TARS3: variants seen among roughly 807,000 people sequenced by gnomAD.
TARS3 encodes threonine--tRNA ligase 2, cytoplasmic.
A neutral mutation model predicts 103.5 loss-of-function variants in TARS3; 94 were observed. That is an observed-to-expected ratio of 0.91 (90% CI 0.77 to 1.08). The LOEUF is 1.08. Among genes scored for constraint, TARS3 ranks in the 50% least tolerant of loss-of-function variants. The pLI, the probability that TARS3 is intolerant of heterozygous loss-of-function variation, is 0.00. For synonymous variants in TARS3, 416 were observed against 355.4 expected (o/e 1.17, Z -1.92); for missense variants, 952 against 995.2 (o/e 0.96, Z 0.58).
chr15:101,705,928 G>A (rs943533787), intron 6 of TARS3, among the ~76,000 whole-genome samples, 181 bp from the exon 7 acceptor site: 1 of 152,134 alleles, frequency 6.6e-6, no homozygotes, highest in Non-Finnish European at 1.5e-5. Context: ...CACAAGCCAC[G>A]TGGCTACTGG....
rs1341564191 is a variant in TARS3, at chr15:101,653,815, TTAAAATC to T, written c.*760_*766del. On this transcript the variant is annotated 3_prime_UTR_variant, in exon 19 of 19. Transcript: ENST00000335968. ...CTGAGCACGTAGAGCATTCCTCTCT[TTAAAATC>T]TGAAATCCATTTCAGTACATAAATC... 2.0e-5 allele frequency: 3 copies of T among 152,252 alleles called. No individual in the cohort carries two copies. Among genetic ancestry groups the T allele is most frequent in the Non-Finnish European group, 4.4e-5 (3 of 68,046 alleles). The allele number at this position is 152,252 out of a possible 1,614,324, so 9.4% of individuals were successfully genotyped here.
At position 101,671,740 on chromosome 15, in the gene TARS3, C is replaced by G; in HGVS notation, c.1797G>C (p.Gln599His). Residue 599 changes from glutamine (Q) to histidine (H), a missense_variant, in exon 14 of 19, where the codon CAG (glutamine) becomes CAC (histidine). By Grantham distance (24) the Gln-to-His change is conservative. Transcript: ENST00000335968. ...EMWNEAEKQL[Q>H]NSLMDFGEPW... The stretch of plus-strand genomic sequence containing the variant: ...GTTCTCCAAAGTCCATCAAGCTGTT[C>G]TGCAGTTGCTTTTTCAAAAGAAGAA... 6.2e-7 allele frequency: 1 copy of G among 1,613,070 alleles called. No individual in the cohort carries two copies. The highest frequency in any genetic ancestry group is 8.5e-7 in the Non-Finnish European group (1 of 1,179,780).
At chr15:101,678,322 T>C (rs1447372812) in intron 12 of TARS3, among the ~76,000 whole-genome samples, 3 of 152,200 alleles carry the variant, frequency 2.0e-5, no homozygotes, top group Non-Finnish European at 2.9e-5. Flanking sequence ...TTTTAATTGG[T>C]TTATTTAGAC....
intron 10 of TARS3, among the ~76,000 whole-genome samples, chr15:101,690,454 C>T (rs1299313227): frequency 6.6e-6 from 1 of 152,154 alleles, no homozygotes; most frequent in East Asian, 1.9e-4. Context: ...ATGCTAATGG[C>T]CTGCTGTTCC....
At chr15:101,695,215 A>T (rs1369687369) in intron 10 of TARS3, among the ~76,000 whole-genome samples, 1 of 152,152 alleles carries the variant, frequency 6.6e-6, no homozygotes, top group Non-Finnish European at 1.5e-5. Context: ...CACAGTCAAG[A>T]TATAGAACAT....
intron 10 of TARS3, among the ~76,000 whole-genome samples, chr15:101,691,151 G>A (rs183443820): frequency 4.6e-4 from 70 of 151,924 alleles, no homozygotes; most frequent in African/African-American, 1.6e-3. Flanking sequence ...GTATTAGCCA[G>A]GATGGTCTTG....
intron 15 of TARS3, among the ~76,000 whole-genome samples, chr15:101,666,153 A>G (rs956291789): frequency 7.2e-5 from 11 of 152,236 alleles, no homozygotes; most frequent in Admixed American, 5.2e-4. Context: ...AACAAAGGTT[A>G]ACACAAAAAT....
At chr15:101,659,467 G>C (rs941378204) in intron 16 of TARS3, among the ~76,000 whole-genome samples, 1 of 151,992 alleles carries the variant, frequency 6.6e-6, no homozygotes, top group Non-Finnish European at 1.5e-5. Context: ...TTTACTTTTG[G>C]CTCCTGGGGA....
chr15:101,665,471 ACTG>A (rs1460594384), intron 15 of TARS3, among the ~76,000 whole-genome samples: 2 of 152,218 alleles, frequency 1.3e-5, no homozygotes, highest in Non-Finnish European at 1.5e-5. Context: ...GCCTACAGAA[ACTG>A]CTACCATTTA....
At position 101,714,774 on chromosome 15, in the gene TARS3, C is replaced by T. The variant is rs1033974382; in HGVS notation, c.690+66G>A. On this transcript the variant is annotated intron_variant, in intron 4 of 18. Coordinates refer to ENST00000335968, the MANE Select transcript of TARS3 (RefSeq NM_152334.3). ...AACATTCGTGACTTCAATATGTGGC[C>T]TCTTATATAATGTAGTTTACAACAT... 6 of 1,470,900 alleles carry T rather than the reference C, an allele frequency of 4.1e-6. No individual in the cohort carries two copies. The Admixed American group carries it at 1.3e-4, about 31-fold the overall frequency. The allele number at this position is 1,470,900 out of a possible 1,614,324, so 91.1% of individuals were successfully genotyped here.
chr15:101,677,501 C>CTTT (rs36095342), intron 12 of TARS3, among the ~76,000 whole-genome samples: 8 of 143,272 alleles, frequency 5.6e-5, no homozygotes, highest in Admixed American at 1.4e-4. Flanking sequence ...AGTTCTCCAG[C>CTTT]TTTTTTTTTT....
intron 3 of TARS3, among the ~76,000 whole-genome samples, chr15:101,715,622 G>A (rs918821076): frequency 2.2e-4 from 34 of 152,160 alleles, no homozygotes; most frequent in Admixed American, 3.3e-4. Flanking sequence ...AGCAGCTGCC[G>A]ACATAATTGT....
Position 101,684,080 on chromosome 15 carries a change from C to G in TARS3, c.1645G>C (p.Glu549Gln), listed in dbSNP as rs757307878. 2 of 1,612,838 alleles carry G rather than the reference C, an allele frequency of 1.2e-6. No homozygotes were observed. The highest frequency in any genetic ancestry group is 2.2e-5 in the South Asian group (2 of 90,860). ...CACTCTGTGTTATTGTTTACCTGCT[C>G]CACTGTGCAAAAAATGTGAGCATCG... ...QDDAHIFCTVEQIEEEIKGCL... is the reference protein window; with the variant it reads ...QDDAHIFCTVQQIEEEIKGCL... Residue 549 changes from glutamate (E) to glutamine (Q), a missense_variant, in exon 12 of 19, where the codon GAG becomes CAG. Glu to Gln is a conservative substitution (Grantham distance 29, BLOSUM62 2). Transcript: ENST00000335968.
chr15:101,713,313 G>A lies in TARS3; in HGVS notation c.691-1312C>T, dbSNP rs559173945. Among the ~76,000 whole-genome samples the A allele has an allele frequency of 2.0e-5, 3 of 152,302 alleles. No homozygotes were observed. The South Asian group carries it at 6.2e-4, about 32-fold the overall frequency. ...AAAGCATAGCTTGAGAAAGGTTAGA[G>A]AGGTAAGGAAGGGCCAGAGACCATG... On this transcript the variant is annotated intron_variant, in intron 4 of 18. Coordinates refer to ENST00000335968, the MANE Select transcript of TARS3 (RefSeq NM_152334.3).
chr15:101,671,812 A>C, intron 13 of TARS3, 64 bp from the exon 14 acceptor site: 13 of 1,307,542 alleles, frequency 9.9e-6, no homozygotes, highest in African/African-American at 1.5e-5. Flanking sequence ...CATACAGCTC[A>C]CAAAAGTTAC....
intron 10 of TARS3, among the ~76,000 whole-genome samples, chr15:101,697,457 C>T (rs997688166): frequency 1.3e-5 from 2 of 152,094 alleles, no homozygotes; most frequent in Non-Finnish European, 2.9e-5. Flanking sequence ...AAAATGACAG[C>T]CGATTTTTGG....
rs1470908966 is a variant in TARS3, at chr15:101,714,883, G to C, written c.647C>G (p.Ser216Cys). The stretch of plus-strand genomic sequence containing the variant: ...ATCAAATGTAAGCAGCTCTAGAGAA[G>C]AGTCCCCTTCCAATGGGCGGTCCAG... ...WDLDRPLEGD[S>C]SLELLTFDNE... Residue 216 changes from serine to cysteine, a missense_variant, in exon 4 of 19, where the codon TCT (serine) becomes TGT (cysteine). Around this residue, in one of 2 missense-constraint regions of TARS3, gnomAD observed 412 missense variants for 364.2 expected, o/e 1.13. Coordinates refer to ENST00000335968, the MANE Select transcript of TARS3 (RefSeq NM_152334.3). The C allele has an allele frequency of 6.2e-7, 1 of 1,613,192 alleles. No homozygotes were observed. The highest frequency in any genetic ancestry group is 1.3e-5 in the African/African-American group (1 of 74,852).
At chr15:101,656,142 G>A in intron 18 of TARS3, 1 of 997,494 alleles carries the variant, frequency 1.0e-6, no homozygotes, top group Non-Finnish European at 1.4e-6. Context: ...CTCTTCTAGT[G>A]GTTTGGCTAT....
intron 4 of TARS3, among the ~76,000 whole-genome samples, chr15:101,712,545 GA>G (rs1899920307): frequency 6.6e-6 from 1 of 152,124 alleles, no homozygotes; most frequent in Non-Finnish European, 1.5e-5. Context: ...GTCTCAGGAA[GA>G]AAAAAGTGTT....
Sources: gnomAD v4.1 joint callset for allele counts (sites outside exome capture counted in the v4.1 genomes callset) on GRCh38, gnomAD v4.1.1 for gene constraint, gnomAD v4.1.1 regional missense constraint, MANE v1.5 for transcripts, NCBI Gene and HGNC (gene_info 2026-07-23, HGNC 2026-07-21) for gene names.